SNTA1: variants seen among roughly 807,000 people sequenced by gnomAD.
SNTA1 encodes the protein alpha-1-syntrophin.
In SNTA1, 31 loss-of-function variants were observed where a neutral mutation model predicts 47.1. The ratio of observed to expected loss-of-function variants is 0.66; its 90% confidence interval spans 0.49 to 0.89. The LOEUF is 0.89. Among genes scored for constraint, SNTA1 ranks in the 40% least tolerant of loss-of-function variants. The pLI is 0.00. For synonymous variants in SNTA1, 300 were observed against 313.6 expected (o/e 0.96, Z 0.46); for missense variants, 575 against 693.0 (o/e 0.83, Z 1.91).
intron 2 of SNTA1, among the ~76,000 whole-genome samples, chr20:33,421,723 A>AGCTC (rs1460956272): frequency 1.3e-5 from 2 of 151,932 alleles, no homozygotes; most frequent in African/African-American, 4.8e-5. Flanking sequence ...TGGGAGCCCG[A>AGCTC]GGCAGGCAGA....
chr20:33,443,268 C>T (rs1223773568), intron 1 of SNTA1, 43 bp downstream of exon 1: 2 of 1,452,382 alleles, frequency 1.4e-6, no homozygotes, highest in Non-Finnish European at 1.8e-6. Context: ...CCTCGGCTGC[C>T]CCCAGACACC....
chr20:33,434,719 A>G (rs564579365), intron 2 of SNTA1, among the ~76,000 whole-genome samples: 9 of 149,684 alleles, frequency 6.0e-5, no homozygotes, highest in Non-Finnish European at 1.2e-4. Context: ...TTTTTTTCCT[A>G]CAGAGATGAA....
In SNTA1 at chr20:33,443,647, G is replaced by A. The variant is rs1380507453; in HGVS notation, c.-27C>T. The A allele has an allele frequency of 1.7e-6, 2 of 1,187,308 alleles. No individual in the cohort carries two copies. Among genetic ancestry groups the A allele is most frequent in the East Asian group, 4.3e-5 (1 of 23,180 alleles). 73.5% of individuals were successfully genotyped at this position (1,187,308 alleles called of 1,614,324 possible). A position where few individuals can be genotyped will look rare whatever the true frequency, so the allele number is the denominator to read the frequency against. On this transcript the variant is annotated 5_prime_UTR_variant, in exon 1 of 8. Coordinates refer to ENST00000217381, the MANE Select transcript of SNTA1 (RefSeq NM_003098.3). The stretch of plus-strand genomic sequence containing the variant: ...TTCGCCTCCGAGCCCCCGGGCCGCC[G>A]CGCTCGCCCTGTCCCGCTTTGCCCA...
chr20:33,419,692 C>T (rs1173997604), intron 2 of SNTA1, among the ~76,000 whole-genome samples: 1 of 152,138 alleles, frequency 6.6e-6, no homozygotes, highest in Non-Finnish European at 1.5e-5. Flanking sequence ...CTAAGAGAAC[C>T]CTGAGCCCTA....
chr20:33,426,843 C>T (rs1050015803), intron 2 of SNTA1, among the ~76,000 whole-genome samples: 4 of 152,010 alleles, frequency 2.6e-5, no homozygotes, highest in African/African-American at 4.8e-5. Flanking sequence ...AGGACGATCG[C>T]TTGAGCCCAG....
At chr20:33,418,499 A>G (rs1032293862) in intron 2 of SNTA1, among the ~76,000 whole-genome samples, 5 of 152,054 alleles carry the variant, frequency 3.3e-5, no homozygotes, top group African/African-American at 1.2e-4. Context: ...AGGTGGTTAC[A>G]AGACTTTCCC....
At chr20:33,418,726 G>C (rs1989941203) in intron 2 of SNTA1, among the ~76,000 whole-genome samples, 1 of 144,312 alleles carries the variant, frequency 6.9e-6, no homozygotes, top group Non-Finnish European at 1.5e-5. Flanking sequence ...CCGGGAGGAG[G>C]AGGTTGCAGT....
At chr20:33,442,328 G>A (rs1990598491) in intron 1 of SNTA1, among the ~76,000 whole-genome samples, 1 of 152,184 alleles carries the variant, frequency 6.6e-6, no homozygotes, top group African/African-American at 2.4e-5. Flanking sequence ...TGTATTCAAG[G>A]TGGAGACAAA....
At chr20:33,433,560 C>G (rs1043400067) in intron 2 of SNTA1, among the ~76,000 whole-genome samples, 3 of 152,128 alleles carry the variant, frequency 2.0e-5, no homozygotes, top group African/African-American at 7.2e-5. Context: ...AGTCACCGCG[C>G]CCAGCCAGCA....
chr20:33,442,079 G>A (rs1225556803), intron 1 of SNTA1, among the ~76,000 whole-genome samples: 1 of 152,076 alleles, frequency 6.6e-6, no homozygotes, highest in African/African-American at 2.4e-5. Flanking sequence ...ATGTAATCGT[G>A]GGAAAATCAT....
chr20:33,413,146 C>T (rs1024045102), intron 3 of SNTA1, among the ~76,000 whole-genome samples: 1 of 152,194 alleles, frequency 6.6e-6, no homozygotes, highest in African/African-American at 2.4e-5. Context: ...AGGCACACGC[C>T]ACCACACCCA....
At chr20:33,437,935 G>A (rs1428557693) in intron 2 of SNTA1, among the ~76,000 whole-genome samples, 1 of 152,240 alleles carries the variant, frequency 6.6e-6, no homozygotes, top group East Asian at 1.9e-4. Context: ...AGTGGAGAAA[G>A]CCATTCAACC....
At chr20:33,435,294 C>T (rs938464722) in intron 2 of SNTA1, among the ~76,000 whole-genome samples, 30 of 150,164 alleles carry the variant, frequency 2.0e-4, no homozygotes, top group Admixed American at 1.1e-3. Flanking sequence ...ACCTAGCCAC[C>T]GGCTTTTAAA....
In SNTA1 at chr20:33,443,633, G is replaced by GC; in HGVS notation, c.-14dup. 2.5e-6 allele frequency: 3 copies of GC among 1,204,066 alleles called. No individual in the cohort carries two copies. The highest frequency in any genetic ancestry group is 3.0e-5 in the South Asian group (1 of 32,908). The allele number at this position is 1,204,066 out of a possible 1,614,324, so 74.6% of individuals were successfully genotyped here. A position where few individuals can be genotyped will look rare whatever the true frequency, so the allele number is the denominator to read the frequency against. On this transcript the variant is annotated 5_prime_UTR_variant, in exon 1 of 8. Transcript: ENST00000217381. ...TGCCGGACGCCATCTTCGCCTCCGA[G>GC]CCCCCGGGCCGCCGCGCTCGCCCTG...
chr20:33,414,219 C>A (rs1989815473), intron 3 of SNTA1, among the ~76,000 whole-genome samples: 1 of 33,156 alleles, frequency 3.0e-5, no homozygotes, highest in African/African-American at 1.1e-4. Flanking sequence ...GCCTGGGCAA[C>A]AAAAGCGAAA....
chr20:33,419,268 C>T (rs141047973), intron 2 of SNTA1, among the ~76,000 whole-genome samples: 164 of 152,286 alleles, frequency 1.1e-3, no homozygotes, highest in African/African-American at 3.7e-3. Context: ...AGCTATCTGA[C>T]GTCTGCAGTC....
chr20:33,425,923 A>C lies in SNTA1; in HGVS notation c.497-8000T>G, dbSNP rs1175133677. On this transcript the variant is annotated intron_variant, in intron 2 of 7. Transcript: ENST00000217381. ...CCTATCTCCACTAAAAATACAAAAA[A>C]AAATTAGCCAGGCATGGTGGTACAT... 5.3e-5 allele frequency among the ~76,000 whole-genome samples: 8 copies of C among 150,952 alleles called. No individual in the cohort carries two copies. In the East Asian group the frequency reaches 1.6e-3, roughly 30 times the overall value.
intron 2 of SNTA1, among the ~76,000 whole-genome samples, chr20:33,418,608 C>A (rs1989937473): frequency 6.7e-6 from 1 of 149,540 alleles, no homozygotes; most frequent in Non-Finnish European, 1.5e-5. Context: ...GCCTGACCAA[C>A]ATGGTGAAAC....
chr20:33,443,471 AC>A lies in SNTA1; in HGVS notation c.149del (p.Gly50ValfsTer39). The A allele has an allele frequency of 7.3e-7, 1 of 1,378,120 alleles. No homozygotes were observed. The highest frequency in any genetic ancestry group is 9.4e-7 in the Non-Finnish European group (1 of 1,061,628). The allele number at this position is 1,378,120 out of a possible 1,614,324, so 85.4% of individuals were successfully genotyped here. A position where few individuals can be genotyped will look rare whatever the true frequency, so the allele number is the denominator to read the frequency against. On this transcript the variant is annotated frameshift_variant, in exon 1 of 8. Coordinates refer to ENST00000217381, the MANE Select transcript of SNTA1 (RefSeq NM_003098.3). LOFTEE classifies it high-confidence loss of function. ...GCTCCCGCGGAGCGCCGGGCTCGGG[AC>A]CAGGGTCGCCGTCGGCGGGGCTCAC... ...LTVSPADGDP[G>X]PEPGAPREQE...
Sources: allele counts gnomAD v4.1 joint callset (sites outside exome capture counted in the v4.1 genomes callset), GRCh38; gene constraint gnomAD v4.1.1; transcripts MANE v1.5; gene names NCBI Gene and HGNC (gene_info 2026-07-23, HGNC 2026-07-21).